ATP8A2: variants seen among roughly 807,000 people sequenced by gnomAD.
ATP8A2 encodes the protein phospholipid-transporting ATPase IB.
A neutral mutation model predicts 165.6 loss-of-function variants in ATP8A2; 100 were observed. That is an observed-to-expected ratio of 0.60 (90% confidence interval 0.51 to 0.71). The LOEUF (loss-of-function observed/expected upper bound fraction) is 0.71, where lower values mean the gene tolerates loss of function less well. Among genes scored for constraint, ATP8A2 ranks in the 30% least tolerant of loss-of-function variants. The pLI is 0.00. For missense variants in ATP8A2, 1,227 were observed against 1,479.5 expected (o/e 0.83, Z 2.80); for synonymous variants, 543 against 548.8 (o/e 0.99, Z 0.15).
At chr13:25,611,702 A>G (rs893402616) in intron 24 of ATP8A2, among the ~76,000 whole-genome samples, 6 of 152,138 alleles carry the variant, frequency 3.9e-5, no homozygotes, top group African/African-American at 1.2e-4. Context: ...GAATTGTGTC[A>G]ATAGGATTGG....
At position 25,819,141 on chromosome 13, in the gene ATP8A2, T is replaced by A. The variant is rs1951100465; in HGVS notation, c.2680-8977T>A. ...AATGTATGTAAACATACAGCATTTTTGTTGTGGTTTTTACAAAAAAAAAAT... is the reference window on the plus strand; with the variant it reads ...AATGTATGTAAACATACAGCATTTTAGTTGTGGTTTTTACAAAAAAAAAAT... On this transcript the variant is annotated intron_variant, in intron 27 of 36. Transcript: ENST00000381655. Among the ~76,000 whole-genome samples, 6 of 152,246 alleles carry A rather than the reference T, an allele frequency of 3.9e-5. No individual in the cohort carries two copies. In the South Asian group the frequency reaches 1.2e-3, roughly 32 times the overall value.
At chr13:25,979,512 C>G (rs868589628) in intron 35 of ATP8A2, among the ~76,000 whole-genome samples, 1 of 152,174 alleles carries the variant, frequency 6.6e-6, no homozygotes, top group Non-Finnish European at 1.5e-5. Context: ...TATTCTCTTT[C>G]TCTGGCAATT....
intron 24 of ATP8A2, among the ~76,000 whole-genome samples, chr13:25,594,178 AT>A (rs2040169827): frequency 6.6e-6 from 1 of 152,332 alleles, no homozygotes; most frequent in African/African-American, 2.4e-5. Flanking sequence ...CCAGCAATTT[AT>A]TTTTTAAAGA....
At chr13:25,382,929 G>C (rs1471931347) in intron 1 of ATP8A2, among the ~76,000 whole-genome samples, 3 of 147,466 alleles carry the variant, frequency 2.0e-5, no homozygotes, top group Admixed American at 6.8e-5. Flanking sequence ...CTAATTTTTT[G>C]TATTTTTAGT....
intron 33 of ATP8A2, among the ~76,000 whole-genome samples, chr13:25,906,267 A>G (rs1432727043): frequency 2.1e-5 from 2 of 96,064 alleles, no homozygotes; most frequent in African/African-American, 8.3e-5. Context: ...CCCCCGCCCA[A>G]TCCTAGCATA....
intron 30 of ATP8A2, among the ~76,000 whole-genome samples, chr13:25,858,244 A>C (rs1952229960): frequency 6.6e-6 from 1 of 152,210 alleles, no homozygotes. Flanking sequence ...CTAATACATC[A>C]GCATGTTGCC....
At chr13:25,888,131 C>T (rs1459519450) in intron 33 of ATP8A2, among the ~76,000 whole-genome samples, 4 of 144,206 alleles carry the variant, frequency 2.8e-5, no homozygotes, top group African/African-American at 7.6e-5. Context: ...CAGCCTTCTG[C>T]TTAACAAGGG....
At chr13:25,776,675 C>T (rs141846558) in intron 27 of ATP8A2, among the ~76,000 whole-genome samples, 12 of 152,248 alleles carry the variant, frequency 7.9e-5, no homozygotes, top group East Asian at 3.9e-4. Context: ...CACTCCTCAA[C>T]GTCACTCAAG....
intron 24 of ATP8A2, among the ~76,000 whole-genome samples, chr13:25,608,344 A>G (rs2040571888): frequency 6.6e-6 from 1 of 152,220 alleles, no homozygotes; most frequent in Admixed American, 6.5e-5. Flanking sequence ...CATTAAAGCA[A>G]CAGATATTTG....
intron 13 of ATP8A2, 80 bp downstream of exon 13, chr13:25,555,148 G>T: frequency 9.1e-7 from 1 of 1,097,668 alleles, no homozygotes; most frequent in Non-Finnish European, 1.4e-6. Context: ...ACCATGGAAA[G>T]ATTTTGCAAA....
At chr13:26,003,807 T>C (rs1956683980) in intron 35 of ATP8A2, among the ~76,000 whole-genome samples, 1 of 152,220 alleles carries the variant, frequency 6.6e-6, no homozygotes, top group Non-Finnish European at 1.5e-5. Context: ...ATTAGCACCT[T>C]TGTTGAAAAT....
intron 4 of ATP8A2, 125 bp from the exon 5 acceptor site, chr13:25,532,147 C>G: frequency 1.4e-6 from 1 of 740,278 alleles, no homozygotes; most frequent in Non-Finnish European, 2.3e-6. Flanking sequence ...CTGAATTTTA[C>G]AGCATGAGCA....
chr13:25,956,695 C>T (rs1955532002), intron 33 of ATP8A2, among the ~76,000 whole-genome samples: 1 of 152,046 alleles, frequency 6.6e-6, no homozygotes, highest in African/African-American at 2.4e-5. Flanking sequence ...GCCATACTGC[C>T]AAAGTAATTT....
intron 2 of ATP8A2, among the ~76,000 whole-genome samples, chr13:25,480,578 C>T (rs891754500): frequency 2.6e-5 from 4 of 151,346 alleles, no homozygotes; most frequent in South Asian, 2.1e-4. Context: ...CAGAGACGCT[C>T]CTCCCTTCCT....
At chr13:25,788,639 C>G (rs2045091186) in intron 27 of ATP8A2, among the ~76,000 whole-genome samples, 1 of 151,988 alleles carries the variant, frequency 6.6e-6, no homozygotes, top group Non-Finnish European at 1.5e-5. Flanking sequence ...TCTTCCCTTG[C>G]TCTACCTTAA....
At chr13:25,576,272 C>T (rs2039616002) in intron 19 of ATP8A2, among the ~76,000 whole-genome samples, 1 of 152,190 alleles carries the variant, frequency 6.6e-6, no homozygotes, top group Admixed American at 6.5e-5. Flanking sequence ...AACCACCACA[C>T]TGAAAGGCCA....
At chr13:25,856,033 G>T (rs1195004974) in intron 30 of ATP8A2, among the ~76,000 whole-genome samples, 1 of 152,102 alleles carries the variant, frequency 6.6e-6, no homozygotes, top group East Asian at 1.9e-4. Context: ...AGAGCTCTTT[G>T]TGCATTTTGG....
At chr13:25,522,909 A>T (rs2137854856) in intron 2 of ATP8A2, among the ~76,000 whole-genome samples, 1 of 152,210 alleles carries the variant, frequency 6.6e-6, no homozygotes, top group East Asian at 1.9e-4. Context: ...GAATCACTTG[A>T]GATCAGGAGT....
Position 25,372,644 on chromosome 13 carries a change from C to T in ATP8A2, c.76+356C>T, listed in dbSNP as rs1593219895. 6.6e-6 allele frequency among the ~76,000 whole-genome samples: 1 copy of T among 152,158 alleles called. No individual in the cohort carries two copies. Among genetic ancestry groups the T allele is most frequent in the African/African-American group, 2.4e-5 (1 of 41,444 alleles). On this transcript the variant is annotated intron_variant, in intron 1 of 36. Coordinates refer to ENST00000381655, the MANE Select transcript of ATP8A2 (RefSeq NM_016529.6). This position sits in a 1 kb window ranked among gnomAD's most constrained non-coding sequence, Gnocchi z 4.8. Reference sequence around the variant, plus strand: ...GATGCGACCTAGGCGGCAGTCACCGCGATGGTGGGCACGGTTTGGCGGCGC... The same window carrying T: ...GATGCGACCTAGGCGGCAGTCACCGTGATGGTGGGCACGGTTTGGCGGCGC...
Sources: gnomAD v4.1 joint callset for allele counts (sites outside exome capture counted in the v4.1 genomes callset) on GRCh38, gnomAD v4.1.1 for gene constraint, Gnocchi (gnomAD v3.1) non-coding constraint, MANE v1.5 for transcripts, NCBI Gene and HGNC (gene_info 2026-07-23, HGNC 2026-07-21) for gene names.